Variants in MROH2B observed in about 807,000 individuals in gnomAD.
The protein encoded by MROH2B is maestro heat like repeat family member 2B, also known as maestro heat-like repeat-containing protein family member 2B.
In MROH2B, 177 loss-of-function variants were observed where a neutral mutation model predicts 208.6. The ratio of observed to expected loss-of-function variants is 0.85; its 90% confidence interval spans 0.75 to 0.96. The LOEUF (loss-of-function observed/expected upper bound fraction) is 0.96, where lower values mean the gene tolerates loss of function less well. MROH2B is among the 40% of genes least tolerant of loss of function. The pLI, the probability that MROH2B is intolerant of heterozygous loss-of-function variation, is 0.00. For missense variants in MROH2B, 2,002 were observed against 1,878.7 expected (o/e 1.07, Z -1.21); for synonymous variants, 728 against 659.0 (o/e 1.10, Z -1.60).
chr5:41,048,522 T>A, intron 15 of MROH2B, 57 bp from the exon 16 acceptor site: 1 of 1,511,710 alleles, frequency 6.6e-7, no homozygotes, highest in Admixed American at 2.5e-5. Flanking sequence ...AAGCCCCACT[T>A]ATTTTTCCCT....
intron 21 of MROH2B, chr5:41,034,148 T>G: frequency 1.2e-6 from 1 of 820,844 alleles, no homozygotes; most frequent in Non-Finnish European, 1.5e-6. Flanking sequence ...TCACAATCAT[T>G]TTAAAGAGGC....
Position 41,010,072 on chromosome 5 carries a change from T to C in MROH2B, c.3143A>G (p.Glu1048Gly), listed in dbSNP as rs1412415273. ...GTGATGGTAGATTGTGCCTAAGATCTCCAATAGCTAAAGAGAAAAAAGCCA... is the reference window on the plus strand; with the variant it reads ...GTGATGGTAGATTGTGCCTAAGATCCCCAATAGCTAAAGAGAAAAAAGCCA... ...QGAALEDQLL[E>G]ILGTIYHHMP... is the part of the protein sequence containing the mutation. Residue 1048 changes from glutamate (E) to glycine (G), a missense_variant, in exon 31 of 42, where the codon GAG becomes GGG. Coordinates refer to ENST00000399564, the MANE Select transcript of MROH2B (RefSeq NM_173489.5). 6.2e-7 allele frequency: 1 copy of C among 1,612,734 alleles called. No individual in the cohort carries two copies. Among genetic ancestry groups the C allele is most frequent in the South Asian group, 1.1e-5 (1 of 90,960 alleles).
intron 21 of MROH2B, among the ~76,000 whole-genome samples, chr5:41,038,429 T>G (rs1430374662): frequency 1.1e-4 from 16 of 152,188 alleles, no homozygotes; most frequent in Non-Finnish European, 1.0e-4. Flanking sequence ...TGATGCTATT[T>G]TAAAATAAAT....
At chr5:41,025,293 C>T (rs934788490) in intron 24 of MROH2B, among the ~76,000 whole-genome samples, 1 of 151,452 alleles carries the variant, frequency 6.6e-6, no homozygotes, top group Non-Finnish European at 1.5e-5. Context: ...ACTAGCAAGA[C>T]TAATAAAGAA....
At chr5:41,036,976 A>C (rs558166719) in intron 21 of MROH2B, among the ~76,000 whole-genome samples, 16 of 152,272 alleles carry the variant, frequency 1.1e-4, no homozygotes, top group African/African-American at 3.6e-4. Context: ...TAGCAGAACT[A>C]ACTGTACCCT....
Position 41,065,387 on chromosome 5 carries a change from A to C in MROH2B, c.305T>G (p.Leu102Ter), listed in dbSNP as rs1743770569. The change falls in exon 4 of 42, where the codon TTA (leucine) becomes TGA (stop). Residue 102 changes from leucine to a stop codon, truncating the protein, a stop_gained. Coordinates refer to ENST00000399564, the MANE Select transcript of MROH2B (RefSeq NM_173489.5). LOFTEE classifies it high-confidence loss of function. ...CACAACGAATTCATCTGGTAGCTCT[A>C]AGATCCTGAAGTTACTTTGTACTTC... The part of the protein sequence containing the change: ...MYEVQSNFRI[L>*]ELPDEFVVLA... 6.2e-7 allele frequency: 1 copy of C among 1,613,378 alleles called. No homozygotes were observed. Among genetic ancestry groups the C allele is most frequent in the African/African-American group, 1.3e-5 (1 of 74,904 alleles).
chr5:41,042,286 T>A lies in MROH2B; in HGVS notation c.1837-78A>T, dbSNP rs1157955789. On this transcript the variant is annotated intron_variant, in intron 18 of 41. Transcript: ENST00000399564. The stretch of plus-strand genomic sequence containing the variant: ...TGATGAAAAGTGGAAAGAGTTAAAA[T>A]AATCATCTGAAGGAAAGAAATTGGG... 3.5e-6 allele frequency: 3 copies of A among 852,940 alleles called. No homozygotes were observed. In the South Asian group the frequency reaches 4.7e-5, roughly 13 times the overall value. The allele number at this position is 852,940 out of a possible 1,614,324, so 52.8% of individuals were successfully genotyped here. A position where few individuals can be genotyped will look rare whatever the true frequency, so the allele number is the denominator to read the frequency against.
chr5:41,011,796 T>C (rs1179309578), intron 30 of MROH2B, among the ~76,000 whole-genome samples: 4 of 152,072 alleles, frequency 2.6e-5, no homozygotes, highest in Non-Finnish European at 4.4e-5. Flanking sequence ...GCCTCCCAAG[T>C]AGCTGGAATC....
intron 28 of MROH2B, among the ~76,000 whole-genome samples, chr5:41,016,498 GTTTTTTTTTT>G (rs10689623): frequency 6.2e-5 from 5 of 80,778 alleles, no homozygotes; most frequent in Non-Finnish European, 1.1e-4. Flanking sequence ...CTACTGTAAT[GTTTTTTTTTT>G]TTTTTTTTTT....
At chr5:41,023,097 ATG>A (rs1742215484) in intron 24 of MROH2B, among the ~76,000 whole-genome samples, 1 of 152,188 alleles carries the variant, frequency 6.6e-6, no homozygotes, top group African/African-American at 2.4e-5. Flanking sequence ...TGGGGAGAAA[ATG>A]GAGCAGAAAA....
At position 41,000,336 on chromosome 5, in the gene MROH2B, A is replaced by G. The variant is rs1741350267; in HGVS notation, c.4366T>C (p.Leu1456=). The G allele has an allele frequency of 6.2e-7, 1 of 1,613,822 alleles. No homozygotes were observed. Among genetic ancestry groups the G allele is most frequent in the South Asian group, 1.1e-5 (1 of 91,048 alleles). ...CCCAAAAAGGGAATGCAGACCATCAAGACATCACGGCAAGCCTGGAAAACA... is the reference window on the plus strand; with the variant it reads ...CCCAAAAAGGGAATGCAGACCATCAGGACATCACGGCAAGCCTGGAAAACA... ...PKIGVACRDV[L]MVCIPFLGLQ... Residue 1456 remains leucine, a synonymous_variant, in exon 39 of 42, where the codon TTG becomes CTG. Transcript: ENST00000399564.
At chr5:41,038,321 G>A (rs947123751) in intron 21 of MROH2B, among the ~76,000 whole-genome samples, 1 of 152,168 alleles carries the variant, frequency 6.6e-6, no homozygotes, top group Non-Finnish European at 1.5e-5. Context: ...AAACAAGGGT[G>A]AGATCACTAC....
At chr5:41,039,394 C>A in intron 20 of MROH2B, 54 bp downstream of exon 20, 1 of 1,046,104 alleles carries the variant, frequency 9.6e-7, no homozygotes, top group South Asian at 1.5e-5. Flanking sequence ...CTGAAGAAAT[C>A]AGGGTTGTCT....
Position 41,033,109 on chromosome 5 carries a change from C to G in MROH2B, c.2293G>C (p.Ala765Pro). The change falls in exon 23 of 42, where the codon GCT becomes CCT. Residue 765 changes from alanine to proline, a missense_variant. Physicochemically the swap from Ala to Pro is conservative, Grantham distance 27. Transcript: ENST00000399564. ...FTRSITEIGI[A>P]VQDAEDQGFQ... is the part of the protein sequence containing the mutation. Reference sequence around the variant, plus strand: ...CCCTGATCCTCAGCATCTTGGACAGCAATGCCAATCTCAGTGATGCTTCTT... The same window carrying G: ...CCCTGATCCTCAGCATCTTGGACAGGAATGCCAATCTCAGTGATGCTTCTT... The G allele has an allele frequency of 1.9e-6, 3 of 1,613,062 alleles. No individual in the cohort carries two copies. Among genetic ancestry groups the G allele is most frequent in the Non-Finnish European group, 2.5e-6 (3 of 1,179,278 alleles).
At chr5:41,056,251 C>T (rs1743445836) in intron 9 of MROH2B, among the ~76,000 whole-genome samples, 1 of 152,112 alleles carries the variant, frequency 6.6e-6, no homozygotes, top group Non-Finnish European at 1.5e-5. Context: ...GATGCTTCCT[C>T]TGCTGTGAGA....
chr5:41,005,988 G>A (rs139151533), intron 34 of MROH2B, among the ~76,000 whole-genome samples: 4 of 144,502 alleles, frequency 2.8e-5, no homozygotes, highest in Non-Finnish European at 4.5e-5. Context: ...CCGAGATCGC[G>A]CCACTGCACA....
At chr5:41,029,767 C>A (rs565160201) in intron 24 of MROH2B, among the ~76,000 whole-genome samples, 1 of 152,034 alleles carries the variant, frequency 6.6e-6, no homozygotes, top group African/African-American at 2.4e-5. Context: ...AAATGGACTA[C>A]TTAAAAATTA....
chr5:41,056,932 TC>T, intron 9 of MROH2B, 176 bp downstream of exon 9: 1 of 669,012 alleles, frequency 1.5e-6, no homozygotes, highest in East Asian at 2.7e-5. Context: ...CCCGTCCTGC[TC>T]CTCCTGGGAA....
chr5:41,009,199 C>T, intron 32 of MROH2B, 81 bp downstream of exon 32: 2 of 1,555,510 alleles, frequency 1.3e-6, no homozygotes, highest in Non-Finnish European at 8.7e-7. Flanking sequence ...ATTAATGTGA[C>T]AGCACCAAGC....
Sources: allele counts gnomAD v4.1 joint callset (sites outside exome capture counted in the v4.1 genomes callset), GRCh38; gene constraint gnomAD v4.1.1; transcripts MANE v1.5; gene names NCBI Gene and HGNC (gene_info 2026-07-23, HGNC 2026-07-21).